Variants in DAB1 observed in about 807,000 individuals in gnomAD.
DAB1 encodes DAB adaptor protein 1.
Under a neutral mutation model 64.6 loss-of-function variants are expected in DAB1, and 15 were observed. That is an observed-to-expected ratio of 0.23 (90% CI 0.16 to 0.36). The LOEUF (loss-of-function observed/expected upper bound fraction) is 0.36. DAB1 is among the 10% of genes least tolerant of loss of function. DAB1 has a pLI of 1.00. For missense variants in DAB1, 596 were observed against 706.7 expected (o/e 0.84, Z 1.78); for synonymous variants, 235 against 251.9 (o/e 0.93, Z 0.64).
intron 2 of DAB1, among the ~76,000 whole-genome samples, chr1:58,509,027 T>C (rs539304101): frequency 1.3e-5 from 2 of 152,050 alleles, no homozygotes; most frequent in Non-Finnish European, 2.9e-5. Context: ...TGGACTAGCA[T>C]GAAGGTTTGA....
chr1:57,936,274 A>G (rs1645023309), intron 5 of DAB1, among the ~76,000 whole-genome samples: 1 of 152,200 alleles, frequency 6.6e-6, no homozygotes, highest in Non-Finnish European at 1.5e-5. Flanking sequence ...AACTCAGGCT[A>G]TTTACTGAGT....
At chr1:57,162,571 A>G (rs1213500452) in intron 2 of DAB1, among the ~76,000 whole-genome samples, 1 of 152,238 alleles carries the variant, frequency 6.6e-6, no homozygotes, top group African/African-American at 2.4e-5. Flanking sequence ...ATTGGCCACA[A>G]ACTTTCTTCT....
At chr1:58,300,862 C>T (rs934594765) in intron 4 of DAB1, among the ~76,000 whole-genome samples, 1 of 152,046 alleles carries the variant, frequency 6.6e-6, no homozygotes, top group African/African-American at 2.4e-5. Flanking sequence ...GCTTAAATCC[C>T]GCCCACATGC....
intron 5 of DAB1, among the ~76,000 whole-genome samples, chr1:58,070,010 G>A (rs1023838113): frequency 2.6e-5 from 4 of 152,180 alleles, no homozygotes; most frequent in Non-Finnish European, 4.4e-5. Flanking sequence ...CCAGCCCAGA[G>A]ATTTTGGGGA....
At chr1:57,933,316 A>T (rs1239852972) in intron 5 of DAB1, among the ~76,000 whole-genome samples, 1 of 152,184 alleles carries the variant, frequency 6.6e-6, no homozygotes, top group African/African-American at 2.4e-5. Context: ...TCTCTTATGG[A>T]TATAAGAAGA....
chr1:57,066,142 T>C (rs1650887200), intron 8 of DAB1, among the ~76,000 whole-genome samples: 1 of 152,068 alleles, frequency 6.6e-6, no homozygotes, highest in African/African-American at 2.4e-5. Context: ...TTGACAAGGA[T>C]TGGATGGTTA....
chr1:57,407,585 A>T lies in DAB1; in HGVS notation c.-137+16345T>A, dbSNP rs1357272258. Among the ~76,000 whole-genome samples, 3 of 152,220 alleles carry T rather than the reference A, an allele frequency of 2.0e-5. 1 individual carries two copies. In the East Asian group the frequency reaches 5.8e-4, roughly 29 times the overall value. On this transcript the variant is annotated intron_variant, in intron 1 of 14. Coordinates refer to ENST00000371236, the MANE Select transcript of DAB1 (RefSeq NM_001365792.1). ...TTGCATGTGTTACTTCTTTGTGTTT[A>T]CAAAACAACCCTATAAGAACTTATT...
chr1:57,046,687 G>T (rs1194465389), intron 9 of DAB1, among the ~76,000 whole-genome samples: 2 of 152,214 alleles, frequency 1.3e-5, no homozygotes, highest in Non-Finnish European at 2.9e-5. Context: ...AGCAGCAGCA[G>T]CAGTTAACAG....
At chr1:57,250,114 A>G (rs1161432456) in intron 2 of DAB1, among the ~76,000 whole-genome samples, 1 of 152,134 alleles carries the variant, frequency 6.6e-6, no homozygotes, top group Non-Finnish European at 1.5e-5. Flanking sequence ...TCAAATCCCA[A>G]AGAAATAAAA....
At chr1:57,447,799 C>G (rs1259817660) in intron 7 of DAB1, among the ~76,000 whole-genome samples, 1 of 152,072 alleles carries the variant, frequency 6.6e-6, no homozygotes, top group African/African-American at 2.4e-5. Flanking sequence ...GCCAGCCAGG[C>G]AGGACTCCTT....
At chr1:57,875,963 G>T (rs903496331) in intron 1 of DAB1, among the ~76,000 whole-genome samples, 1 of 152,178 alleles carries the variant, frequency 6.6e-6, no homozygotes, top group African/African-American at 2.4e-5. Flanking sequence ...AGCGATCGTT[G>T]TCACTGCTAA....
intron 5 of DAB1, among the ~76,000 whole-genome samples, chr1:58,002,014 G>C (rs1288322606): frequency 2.0e-5 from 3 of 152,190 alleles, no homozygotes; most frequent in Non-Finnish European, 4.4e-5. Flanking sequence ...AAGCTGCAAA[G>C]GGCAAGAACA....
At chr1:57,636,096 C>CAAAAAAAAAAAAAAAAAA (rs61007751) in intron 7 of DAB1, among the ~76,000 whole-genome samples, 2 of 64,974 alleles carry the variant, frequency 3.1e-5, no homozygotes, top group African/African-American at 1.3e-4. Context: ...GACACGGTCT[C>CAAAAAAAAAAAAAAAAAA]AAAAAAAAAA....
intron 3 of DAB1, among the ~76,000 whole-genome samples, chr1:58,421,994 A>T (rs935911411): frequency 5.5e-5 from 8 of 145,848 alleles, no homozygotes; most frequent in African/African-American, 2.0e-4. Flanking sequence ...TATTAAGTAG[A>T]CGTCAAAAAA....
chr1:57,806,977 T>C (rs533400299), intron 6 of DAB1, among the ~76,000 whole-genome samples: 2 of 152,338 alleles, frequency 1.3e-5, no homozygotes, highest in South Asian at 4.1e-4. Context: ...CTGCATGTAG[T>C]AGTCACTCAG....
At chr1:57,303,893 C>T (rs1673896729) in intron 1 of DAB1, among the ~76,000 whole-genome samples, 2 of 152,256 alleles carry the variant, frequency 1.3e-5, no homozygotes, top group East Asian at 1.9e-4. Flanking sequence ...AAAAACTCCC[C>T]CCTGCCTTAC....
At chr1:58,145,916 A>G (rs1654563603) in intron 5 of DAB1, among the ~76,000 whole-genome samples, 1 of 152,212 alleles carries the variant, frequency 6.6e-6, no homozygotes, top group African/African-American at 2.4e-5. Flanking sequence ...GCCACCCATG[A>G]GATAGCAAGA....
chr1:57,658,946 T>C (rs1184248533), intron 6 of DAB1, among the ~76,000 whole-genome samples: 2 of 152,190 alleles, frequency 1.3e-5, no homozygotes, highest in African/African-American at 4.8e-5. Context: ...GTTTTCCCCA[T>C]TCTCTGGAAA....
chr1:57,769,418 C>T (rs1649459833), intron 6 of DAB1, among the ~76,000 whole-genome samples: 1 of 152,184 alleles, frequency 6.6e-6, no homozygotes, highest in Admixed American at 6.5e-5. Context: ...AGAAAGATCC[C>T]TCTCTCAACA....
Sources: gnomAD v4.1 joint callset for allele counts (sites outside exome capture counted in the v4.1 genomes callset) on GRCh38, gnomAD v4.1.1 for gene constraint, MANE v1.5 for transcripts, NCBI Gene and HGNC (gene_info 2026-07-23, HGNC 2026-07-21) for gene names.